Variants in CALN1 observed in about 807,000 individuals in gnomAD.
CALN1 encodes the protein calneuron 1, also known as calcium-binding protein 8.
Under a neutral mutation model 30.6 loss-of-function variants are expected in CALN1, and 17 were observed. The observed-to-expected ratio is 0.56, with a 90% CI of 0.38 to 0.83. CALN1 has a LOEUF of 0.83. CALN1 is among the 40% of genes least tolerant of loss of function. The pLI is 0.00. For missense variants in CALN1, 291 were observed against 354.9 expected (o/e 0.82, Z 1.45); for synonymous variants, 156 against 131.4 (o/e 1.19, Z -1.28).
chr7:72,376,680 G>A (rs570294662), intron 2 of CALN1, among the ~76,000 whole-genome samples: 1 of 152,170 alleles, frequency 6.6e-6, no homozygotes, highest in East Asian at 1.9e-4. Flanking sequence ...TCTTGATGGT[G>A]TCATTTGATT....
chr7:72,306,896 G>T lies in CALN1; in HGVS notation c.120-28086C>A, dbSNP rs1799694412. 3.3e-5 allele frequency among the ~76,000 whole-genome samples: 5 copies of T among 152,086 alleles called. 1 individual carries two copies. The South Asian group carries it at 1.0e-3, about 32-fold the overall frequency. On this transcript the variant is annotated intron_variant, in intron 2 of 6. Coordinates refer to ENST00000395275, the MANE Select transcript of CALN1 (RefSeq NM_031468.4). ...TTTGGCTCAGAATAAATCTTTTCAG[G>T]TATTTTACAGAGTCTGACTCTTCGT...
chr7:72,278,732 G>A lies in CALN1; in HGVS notation c.198C>T (p.Gly66=). 1 of 1,614,072 alleles carries A rather than the reference G, an allele frequency of 6.2e-7. No homozygotes were observed. The highest frequency in any genetic ancestry group is 1.1e-5 in the South Asian group (1 of 91,080). ...TATTAGCCAGCTGTTCGCTGTCACT[G>A]CCAGCAGAGAGCGATCGGTTGAGGT... is the stretch of plus-strand genomic sequence containing the variant. ...GNYLNRSLSA[G]SDSEQLANIS... Residue 66 remains glycine (G), a synonymous_variant, in exon 3 of 7, where the codon GGC becomes GGT. Coordinates refer to ENST00000395275, the MANE Select transcript of CALN1 (RefSeq NM_031468.4).
chr7:72,238,681 C>T (rs1370871967), intron 3 of CALN1, among the ~76,000 whole-genome samples: 2 of 152,092 alleles, frequency 1.3e-5, no homozygotes, highest in Non-Finnish European at 2.9e-5. Context: ...TTTTAAGGGG[C>T]TTTTCCCCTC....
chr7:72,181,149 C>G (rs1255002551), intron 3 of CALN1, among the ~76,000 whole-genome samples: 2 of 141,648 alleles, frequency 1.4e-5, no homozygotes, highest in African/African-American at 5.3e-5. Context: ...TAAGCTTTTA[C>G]CCCTACCATG....
chr7:71,989,896 AAGAC>A (rs1798860358), intron 5 of CALN1, among the ~76,000 whole-genome samples: 1 of 152,202 alleles, frequency 6.6e-6, no homozygotes, highest in African/African-American at 2.4e-5. Context: ...GGATTCAAGA[AAGAC>A]AGAAGAAGAT....
At chr7:72,277,216 TTC>T (rs986570516) in intron 3 of CALN1, among the ~76,000 whole-genome samples, 22 of 152,156 alleles carry the variant, frequency 1.4e-4, no homozygotes, top group Non-Finnish European at 4.4e-5. Context: ...AGAAATAAAT[TTC>T]TGTTTTTTAT....
chr7:72,205,575 T>TAC (rs1196690990), intron 3 of CALN1, among the ~76,000 whole-genome samples: 14 of 119,594 alleles, frequency 1.2e-4, no homozygotes, highest in African/African-American at 5.9e-4. Context: ...TATGTATATA[T>TAC]ATATATATAT....
chr7:72,051,656 G>C (rs952886490), intron 4 of CALN1, among the ~76,000 whole-genome samples: 17 of 152,120 alleles, frequency 1.1e-4, no homozygotes, highest in African/African-American at 4.1e-4. Flanking sequence ...AAACGCTAAA[G>C]CTGGAACTGG....
chr7:72,408,597 A>C (rs1806869788), intron 1 of CALN1, among the ~76,000 whole-genome samples: 1 of 151,844 alleles, frequency 6.6e-6, no homozygotes. Context: ...ATGGGATACA[A>C]GTGCAATTTT....
intron 6 of CALN1, among the ~76,000 whole-genome samples, chr7:71,788,820 G>A (rs1793142448): frequency 6.6e-6 from 1 of 151,924 alleles, no homozygotes; most frequent in South Asian, 2.1e-4. Context: ...ACCATGCCCG[G>A]CTAATTTTTT....
intron 5 of CALN1, among the ~76,000 whole-genome samples, chr7:71,976,115 G>A (rs1167015536): frequency 6.6e-6 from 1 of 151,844 alleles, no homozygotes; most frequent in East Asian, 2.0e-4. Context: ...CTGGTCACTG[G>A]TCTTGGGTCC....
At chr7:72,239,634 C>T (rs1358456685) in intron 3 of CALN1, among the ~76,000 whole-genome samples, 1 of 151,848 alleles carries the variant, frequency 6.6e-6, no homozygotes, top group Non-Finnish European at 1.5e-5. Flanking sequence ...TTCTTAAATC[C>T]CCAAGGTGCA....
intron 2 of CALN1, among the ~76,000 whole-genome samples, chr7:72,360,765 G>T (rs1803526079): frequency 6.6e-6 from 1 of 151,448 alleles, no homozygotes; most frequent in Non-Finnish European, 1.5e-5. Flanking sequence ...TCTCCCCTCT[G>T]TCACCCAGGC....
intron 3 of CALN1, among the ~76,000 whole-genome samples, chr7:72,134,655 T>C (rs538559555): frequency 6.6e-6 from 1 of 152,374 alleles, no homozygotes; most frequent in African/African-American, 2.4e-5. Context: ...AATCTTTTAC[T>C]GGTAGAAGGT....
intron 3 of CALN1, among the ~76,000 whole-genome samples, chr7:72,184,317 T>C (rs1011357533): frequency 3.3e-5 from 5 of 152,208 alleles, no homozygotes; most frequent in Admixed American, 6.5e-5. Context: ...CCTTGAGCAA[T>C]TGTGTAATGC....
At chr7:72,052,374 G>A (rs1167446594) in intron 4 of CALN1, among the ~76,000 whole-genome samples, 3 of 152,098 alleles carry the variant, frequency 2.0e-5, no homozygotes, top group African/African-American at 4.8e-5. Flanking sequence ...GAGAAGATAC[G>A]GAGGATCTGC....
At chr7:71,952,656 G>T (rs542022862) in intron 5 of CALN1, among the ~76,000 whole-genome samples, 1 of 147,200 alleles carries the variant, frequency 6.8e-6, no homozygotes, top group Admixed American at 6.9e-5. Flanking sequence ...GATCGCTAGC[G>T]ATCTCAACTC....
intron 2 of CALN1, among the ~76,000 whole-genome samples, chr7:72,386,086 G>A (rs900836730): frequency 1.3e-5 from 2 of 152,142 alleles, no homozygotes; most frequent in African/African-American, 2.4e-5. Context: ...AAACTATGAG[G>A]GATAAAGGGA....
At chr7:72,158,718 G>A (rs954416375) in intron 3 of CALN1, among the ~76,000 whole-genome samples, 2 of 152,206 alleles carry the variant, frequency 1.3e-5, no homozygotes, top group African/African-American at 2.4e-5. Context: ...ATCTTGTGAT[G>A]CTGAGGACTG....
Sources: gnomAD v4.1 joint callset for allele counts (sites outside exome capture counted in the v4.1 genomes callset) on GRCh38, gnomAD v4.1.1 for gene constraint, MANE v1.5 for transcripts, NCBI Gene and HGNC (gene_info 2026-07-23, HGNC 2026-07-21) for gene names.